The following RPRD1A variants were observed in gnomAD, a reference collection of about 807,000 sequenced individuals.
RPRD1A encodes regulation of nuclear pre-mRNA domain containing 1A, also known as regulation of nuclear pre-mRNA domain-containing protein 1A.
A neutral mutation model predicts 37.8 loss-of-function variants in RPRD1A; 9 were observed. The observed-to-expected ratio is 0.24, with a 90% CI of 0.14 to 0.42. The LOEUF (loss-of-function observed/expected upper bound fraction) is 0.42, where lower values mean the gene tolerates loss of function less well. Ranked by LOEUF, RPRD1A falls within the 10% of genes least tolerant of loss-of-function variation. RPRD1A has a pLI of 1.00. For missense variants in RPRD1A, 255 were observed against 371.0 expected (o/e 0.69, Z 2.57); for synonymous variants, 138 against 139.7 (o/e 0.99, Z 0.08).
At chr18:36,058,909 C>G (rs1278779704) in intron 1 of RPRD1A, among the ~76,000 whole-genome samples, 1 of 152,198 alleles carries the variant, frequency 6.6e-6, no homozygotes, top group Non-Finnish European at 1.5e-5. Context: ...CACGAGAATT[C>G]AGCAGGCTTC....
chr18:36,024,574 TAATGGC>T (rs755520310), intron 6 of RPRD1A, among the ~76,000 whole-genome samples: 8 of 152,310 alleles, frequency 5.3e-5, no homozygotes, highest in Non-Finnish European at 7.4e-5. Context: ...CATGCTTTAA[TAATGGC>T]TTCCTTAAGA....
intron 1 of RPRD1A, among the ~76,000 whole-genome samples, chr18:36,044,102 A>G (rs1044663618): frequency 6.6e-6 from 1 of 152,204 alleles, no homozygotes; most frequent in Non-Finnish European, 1.5e-5. Flanking sequence ...TTTCATCAAA[A>G]AGGTTTTCTC....
rs114469617 is a variant in RPRD1A, at chr18:36,020,263, C to T, written c.789+6637G>A. 3.8e-3 allele frequency among the ~76,000 whole-genome samples: 573 copies of T among 152,204 alleles called. 6 individuals carry two copies. The highest frequency in any genetic ancestry group is 0.013 in the African/African-American group (549 of 41,522). ...ACACGAATCTGGTAAAACCCTTATCCCATATAACTAAAAGATGGAAGATAA... is the reference window on the plus strand; with the variant it reads ...ACACGAATCTGGTAAAACCCTTATCTCATATAACTAAAAGATGGAAGATAA... On this transcript the variant is annotated intron_variant, in intron 6 of 6. Transcript: ENST00000399022.
At chr18:36,027,114 A>G in intron 5 of RPRD1A, 39 bp from the exon 6 acceptor site, 1 of 1,612,124 alleles carries the variant, frequency 6.2e-7, no homozygotes, top group Non-Finnish European at 8.5e-7. Flanking sequence ...TATACAACAA[A>G]AACAATGACA....
At chr18:36,062,271 T>G (rs927070027) in intron 1 of RPRD1A, among the ~76,000 whole-genome samples, 3 of 137,678 alleles carry the variant, frequency 2.2e-5, no homozygotes, top group Non-Finnish European at 4.5e-5. Context: ...GAGCCGAGAT[T>G]GCGCCACTGC....
intron 6 of RPRD1A, among the ~76,000 whole-genome samples, chr18:36,012,361 A>G (rs1300786597): frequency 6.6e-6 from 1 of 152,014 alleles, no homozygotes; most frequent in Non-Finnish European, 1.5e-5. Flanking sequence ...TATTTACTAC[A>G]CTTTTTATTG....
Position 35,993,244 on chromosome 18 carries a change from C to A in RPRD1A, c.846G>T (p.Arg282=), listed in dbSNP as rs1908816809. ...VSLVRKELRS[R]IQSLPDLSRL... ...GAGATAAGTCTGGCAGGCTCTGGATCCGGGACCTGAGTTCTTTGCGCACCA... is the reference window on the plus strand; with the variant it reads ...GAGATAAGTCTGGCAGGCTCTGGATACGGGACCTGAGTTCTTTGCGCACCA... Residue 282 remains arginine (R), a synonymous_variant, in exon 7 of 7, where the codon CGG becomes CGT. Coordinates refer to ENST00000399022, the MANE Select transcript of RPRD1A (RefSeq NM_018170.5). 2 of 1,614,158 alleles carry A rather than the reference C, an allele frequency of 1.2e-6. No individual in the cohort carries two copies. The highest frequency in any genetic ancestry group is 1.7e-6 in the Non-Finnish European group (2 of 1,180,018).
At position 36,031,105 on chromosome 18, in the gene RPRD1A, A is replaced by G. The variant is rs765860710; in HGVS notation, c.282-8T>C. On this transcript the variant is annotated splice_region_variant and splice_polypyrimidine_tract_variant and intron_variant, in intron 2 of 6. Transcript: ENST00000399022. ...CAACTTTCATCAGTTTCACTAAAAA[A>G]AAAAAAAAAGAAAAAAAGAAAAATG... 1.3e-6 allele frequency: 2 copies of G among 1,545,500 alleles called. No individual in the cohort carries two copies. Among genetic ancestry groups the G allele is most frequent in the East Asian group, 4.5e-5 (2 of 43,966 alleles).
chr18:36,035,790 A>C (rs913786904), intron 1 of RPRD1A, among the ~76,000 whole-genome samples: 1 of 152,226 alleles, frequency 6.6e-6, no homozygotes. Flanking sequence ...CGCATGTTAC[A>C]ACATGGATGA....
At chr18:36,016,470 G>A (rs1238621012) in intron 6 of RPRD1A, among the ~76,000 whole-genome samples, 5 of 152,110 alleles carry the variant, frequency 3.3e-5, no homozygotes, top group South Asian at 2.1e-4. Context: ...TGATCCGCCC[G>A]CCTCGGCTTC....
At chr18:36,009,932 TCCC>T (rs1399492986) in intron 6 of RPRD1A, among the ~76,000 whole-genome samples, 1 of 152,164 alleles carries the variant, frequency 6.6e-6, no homozygotes, top group Admixed American at 6.5e-5. Context: ...CATCTGTCTC[TCCC>T]CCATTTCATT....
At chr18:36,035,299 T>C (rs1912110844) in intron 1 of RPRD1A, among the ~76,000 whole-genome samples, 1 of 145,932 alleles carries the variant, frequency 6.9e-6, no homozygotes, top group Non-Finnish European at 1.5e-5. Flanking sequence ...CACTTTTGAA[T>C]GGGTACCTGA....
intron 6 of RPRD1A, among the ~76,000 whole-genome samples, chr18:36,009,400 G>GC (rs898988544): frequency 2.6e-5 from 4 of 152,158 alleles, no homozygotes; most frequent in Non-Finnish European, 2.9e-5. Context: ...CCATTCCACT[G>GC]CAATGGAGTC....
At chr18:36,009,389 G>A (rs941773470) in intron 6 of RPRD1A, among the ~76,000 whole-genome samples, 13 of 152,094 alleles carry the variant, frequency 8.5e-5, no homozygotes, top group Non-Finnish European at 1.3e-4. Context: ...GGGTTTACCC[G>A]CCATTCCACT....
At chr18:36,013,101 C>G (rs765409396) in intron 6 of RPRD1A, among the ~76,000 whole-genome samples, 3 of 152,174 alleles carry the variant, frequency 2.0e-5, no homozygotes, top group Non-Finnish European at 4.4e-5. Flanking sequence ...GCTGACTCAG[C>G]AAATTCTGGC....
chr18:36,036,962 GTCCAT>G (rs1912231386), intron 1 of RPRD1A, among the ~76,000 whole-genome samples: 1 of 152,060 alleles, frequency 6.6e-6, no homozygotes, highest in Non-Finnish European at 1.5e-5. Flanking sequence ...TTTCCAAACC[GTCCAT>G]TCAATTTAAA....
chr18:36,027,254 T>C lies in RPRD1A; in HGVS notation c.543A>G (p.Ala181=). The part of the protein sequence containing the change: ...QDLENAASGD[A]AVHQRIASLP... ...AAGAAGCTATCCTCTGATGAACTGC[T>C]GCATCACCTGAGGCTGCATTTTCCA... The change falls in exon 5 of 7, where the codon GCA becomes GCG. Residue 181 remains alanine (A), a synonymous_variant. Transcript: ENST00000399022. 6.2e-7 allele frequency: 1 copy of C among 1,612,862 alleles called. No individual in the cohort carries two copies. The highest frequency in any genetic ancestry group is 8.5e-7 in the Non-Finnish European group (1 of 1,178,852).
chr18:36,025,512 G>T, intron 6 of RPRD1A: 1 of 591,348 alleles, frequency 1.7e-6, no homozygotes, highest in Non-Finnish European at 2.6e-6. Context: ...AGTGACAAAT[G>T]ACCATCATCA....
chr18:36,022,943 G>C (rs1360737566), intron 6 of RPRD1A, among the ~76,000 whole-genome samples: 3 of 152,158 alleles, frequency 2.0e-5, no homozygotes, highest in Non-Finnish European at 4.4e-5. Context: ...CTGGGTGACA[G>C]AACAAGAGAC....
Sources: gnomAD v4.1 joint callset for allele counts (sites outside exome capture counted in the v4.1 genomes callset) on GRCh38, gnomAD v4.1.1 for gene constraint, MANE v1.5 for transcripts, NCBI Gene and HGNC (gene_info 2026-07-23, HGNC 2026-07-21) for gene names.